The following ADAM2 variants were observed in gnomAD, a reference collection of about 807,000 sequenced individuals.
The protein encoded by ADAM2 is ADAM metallopeptidase domain 2, also known as disintegrin and metalloproteinase domain-containing protein 2.
A neutral mutation model predicts 99.3 loss-of-function variants in ADAM2; 101 were observed. The observed-to-expected ratio is 1.02, with a 90% CI of 0.87 to 1.20. The LOEUF is 1.20. ADAM2 is among the 50% of genes most tolerant of loss of function. The probability of loss-of-function intolerance (pLI) is 0.00; values close to 1 mark genes in which losing one functional copy is unlikely to be tolerated. For missense variants in ADAM2, 948 were observed against 878.7 expected, an observed-to-expected ratio of 1.08 and a Z score of -1.00; for synonymous variants, 323 against 287.6, an observed-to-expected ratio of 1.12 and a Z score of -1.25.
chr8:39,775,509 T>C (rs897979501), intron 11 of ADAM2, among the ~76,000 whole-genome samples: 1 of 152,180 alleles, frequency 6.6e-6, no homozygotes, highest in African/African-American at 2.4e-5. Context: ...TGTTTACAAA[T>C]ATGTGCATGG....
At chr8:39,752,069 A>G (rs183749406) in intron 16 of ADAM2, among the ~76,000 whole-genome samples, 15 of 152,258 alleles carry the variant, frequency 9.9e-5, no homozygotes, top group African/African-American at 2.9e-4. Context: ...TTAAAGGCAT[A>G]GTTGTACCAG....
chr8:39,746,392 C>T (rs7013380), intron 19 of ADAM2, 80 bp downstream of exon 19: 1 of 906,448 alleles, frequency 1.1e-6, no homozygotes, highest in Admixed American at 2.8e-5. Flanking sequence ...TGAATTATTA[C>T]TCATTACATC....
At chr8:39,747,801 C>T (rs1004562285) in intron 18 of ADAM2, among the ~76,000 whole-genome samples, 13 of 152,052 alleles carry the variant, frequency 8.5e-5, no homozygotes, top group African/African-American at 3.1e-4. Context: ...AACAATTTAC[C>T]ACTTCATAAT....
At chr8:39,758,706 TCAATGCAACCTA>T (rs758597397) in intron 15 of ADAM2, among the ~76,000 whole-genome samples, 1 of 152,040 alleles carries the variant, frequency 6.6e-6, no homozygotes, top group Admixed American at 6.5e-5. Context: ...TAGAAGAAGC[TCAATGCAACCTA>T]CAACATCTTT....
At chr8:39,792,620 CT>C (rs1478766724) in intron 7 of ADAM2, among the ~76,000 whole-genome samples, 2 of 152,000 alleles carry the variant, frequency 1.3e-5, no homozygotes, top group Non-Finnish European at 2.9e-5. Context: ...ACCTTTATAT[CT>C]TGGTCAAGAT....
intron 7 of ADAM2, among the ~76,000 whole-genome samples, 172 bp from the exon 8 acceptor site, chr8:39,788,912 A>T (rs886202303): frequency 2.6e-5 from 4 of 151,612 alleles, no homozygotes; most frequent in African/African-American, 9.7e-5. Flanking sequence ...TGTTCAGTAT[A>T]AAAACTGAAA....
intron 3 of ADAM2, among the ~76,000 whole-genome samples, chr8:39,827,499 A>G (rs570779483): frequency 6.6e-6 from 1 of 152,308 alleles, no homozygotes. Flanking sequence ...ATCAATGGAC[A>G]AATGGATAAA....
intron 15 of ADAM2, among the ~76,000 whole-genome samples, chr8:39,760,558 G>A (rs960035311): frequency 2.6e-5 from 4 of 151,770 alleles, no homozygotes; most frequent in Non-Finnish European, 5.9e-5. Flanking sequence ...CGTCTCTACT[G>A]AAAACACAAA....
At chr8:39,745,826 A>G (rs1392030809) in intron 19 of ADAM2, among the ~76,000 whole-genome samples, 2 of 152,090 alleles carry the variant, frequency 1.3e-5, no homozygotes, top group East Asian at 3.8e-4. Flanking sequence ...AAGTTAAAAT[A>G]CATATTTAAC....
intron 3 of ADAM2, among the ~76,000 whole-genome samples, chr8:39,825,193 T>C (rs527276392): frequency 1.9e-4 from 29 of 152,320 alleles, no homozygotes; most frequent in African/African-American, 6.5e-4. Context: ...AGTTCATTGT[T>C]CTCCATCTAC....
At chr8:39,819,985 A>T (rs1446644364) in intron 6 of ADAM2, among the ~76,000 whole-genome samples, 1 of 152,128 alleles carries the variant, frequency 6.6e-6, no homozygotes, top group Non-Finnish European at 1.5e-5. Flanking sequence ...TTTGCCTTCT[A>T]CTTTGACTAG....
intron 3 of ADAM2, 146 bp from the exon 4 acceptor site, chr8:39,825,043 A>T: frequency 1.7e-6 from 1 of 595,882 alleles, no homozygotes; most frequent in East Asian, 2.9e-5. Flanking sequence ...TTTTGTTCTA[A>T]ATTTTACTCA....
At chr8:39,746,955 A>G (rs986316871) in intron 18 of ADAM2, among the ~76,000 whole-genome samples, 1 of 152,154 alleles carries the variant, frequency 6.6e-6, no homozygotes, top group African/African-American at 2.4e-5. Flanking sequence ...TGTTTTCCTC[A>G]TACAATGAGT....
In ADAM2 at chr8:39,809,723, A is replaced by T. The variant is rs575205980; in HGVS notation, c.514-257T>A. Among the ~76,000 whole-genome samples the T allele has an allele frequency of 1.8e-4, 27 of 152,266 alleles. No individual in the cohort carries two copies. The East Asian group carries it at 4.8e-3, about 27-fold the overall frequency. ...CATTCTCCATATTTTCATTGGTTCC[A>T]AGCTATTCATATTATTCTCTCTTTT... is the stretch of plus-strand genomic sequence containing the variant. On this transcript the variant is annotated intron_variant, in intron 6 of 20. Transcript: ENST00000265708.
chr8:39,769,706 C>T (rs944657620), intron 11 of ADAM2, 131 bp from the exon 12 acceptor site: 1 of 608,498 alleles, frequency 1.6e-6, no homozygotes, highest in South Asian at 2.1e-5. Context: ...TGCTTTCAAT[C>T]TCTGTGCATG....
At chr8:39,807,898 T>C (rs2129586836) in intron 7 of ADAM2, among the ~76,000 whole-genome samples, 1 of 152,252 alleles carries the variant, frequency 6.6e-6, no homozygotes, top group East Asian at 1.9e-4. Flanking sequence ...AGAAACAGAA[T>C]GTACATTTCA....
rs902674326 is a variant in ADAM2 at position 39,767,049 on chromosome 8, G to C, written c.1312-6C>G. On this transcript the variant is annotated splice_region_variant and splice_polypyrimidine_tract_variant and intron_variant, in intron 13 of 20. Transcript: ENST00000265708. Reference sequence around the variant, plus strand: ...ATTCTTTCTTTTGACATAAACTGATGGGATGAGGTAAATGATATTGAATTA... The same window carrying C: ...ATTCTTTCTTTTGACATAAACTGATCGGATGAGGTAAATGATATTGAATTA... 1 of 1,612,308 alleles carries C rather than the reference G, an allele frequency of 6.2e-7. No individual in the cohort carries two copies. Among genetic ancestry groups the C allele is most frequent in the Admixed American group, 1.7e-5 (1 of 59,988 alleles).
At chr8:39,831,803 T>A (rs527405148) in intron 3 of ADAM2, among the ~76,000 whole-genome samples, 1 of 152,224 alleles carries the variant, frequency 6.6e-6, no homozygotes, top group Admixed American at 6.5e-5. Context: ...ATGTGATAGA[T>A]AAGTGAGTCA....
At chr8:39,780,783 C>T (rs10808925) in intron 10 of ADAM2, among the ~76,000 whole-genome samples, 109,198 of 152,004 alleles carry the variant, frequency 0.72, 40,081 homozygotes, top group East Asian at 0.87. Context: ...CTGCTTTATA[C>T]TAGTATTGAT....
Sources: allele counts gnomAD v4.1 joint callset (sites outside exome capture counted in the v4.1 genomes callset), GRCh38; gene constraint gnomAD v4.1.1; transcripts MANE v1.5; gene names NCBI Gene and HGNC (gene_info 2026-07-23, HGNC 2026-07-21).